CTSO: variants seen among roughly 807,000 people sequenced by gnomAD.
CTSO encodes cathepsin O.
CTSO carries 40 observed loss-of-function variants against 42.4 expected under a neutral mutation model. The observed-to-expected ratio is 0.94, with a 90% confidence interval of 0.73 to 1.23. The LOEUF (loss-of-function observed/expected upper bound fraction) is 1.23. CTSO is among the 50% of genes most tolerant of loss of function. CTSO has a pLI of 0.00. For synonymous variants in CTSO, 156 were observed against 146.2 expected, an observed-to-expected ratio of 1.07 and a Z score of -0.48; for missense variants, 441 against 396.0, an observed-to-expected ratio of 1.11 and a Z score of -0.96.
chr4:155,930,749 G>A (rs1743220575), intron 5 of CTSO, among the ~76,000 whole-genome samples: 1 of 152,062 alleles, frequency 6.6e-6, no homozygotes. Context: ...GCAAAAAGTT[G>A]ACTGCATAAT....
chr4:155,936,093 C>T (rs541484298), intron 5 of CTSO, among the ~76,000 whole-genome samples: 9 of 152,220 alleles, frequency 5.9e-5, no homozygotes, highest in African/African-American at 1.9e-4. Flanking sequence ...CTTATACTCT[C>T]AAGGAAGTCA....
At chr4:155,946,418 T>G (rs1743547897) in intron 1 of CTSO, among the ~76,000 whole-genome samples, 1 of 152,232 alleles carries the variant, frequency 6.6e-6, no homozygotes, top group Admixed American at 6.5e-5. Context: ...TCCCTAATTT[T>G]CAATGATGAT....
chr4:155,929,026 T>C (rs28491588), intron 6 of CTSO, among the ~76,000 whole-genome samples: 8,889 of 152,272 alleles, frequency 0.058, 675 homozygotes, highest in African/African-American at 0.18. Context: ...AAGGAACACC[T>C]GGCCGAACCC....
intron 4 of CTSO, among the ~76,000 whole-genome samples, chr4:155,938,016 T>C (rs1453079240): frequency 1.3e-5 from 2 of 152,170 alleles, no homozygotes; most frequent in African/African-American, 4.8e-5. Flanking sequence ...CTTACTTCTC[T>C]TTATCTTACA....
intron 6 of CTSO, 52 bp from the exon 7 acceptor site, chr4:155,928,480 A>C: frequency 7.8e-7 from 1 of 1,280,702 alleles, no homozygotes; most frequent in Non-Finnish European, 1.1e-6. Context: ...ATTTGTTATG[A>C]ATGTTTAAGT....
chr4:155,927,946 A>C (rs6856354), intron 7 of CTSO, among the ~76,000 whole-genome samples: 52,401 of 151,998 alleles, frequency 0.34, 10,123 homozygotes, highest in East Asian at 0.7. Context: ...AACTCTTGAT[A>C]ATCATTGAGC....
At chr4:155,931,813 A>G (rs1422437161) in intron 5 of CTSO, among the ~76,000 whole-genome samples, 3 of 150,768 alleles carry the variant, frequency 2.0e-5, no homozygotes, top group Non-Finnish European at 4.4e-5. Context: ...TATTATAATT[A>G]TTATTAATCA....
At chr4:155,937,224 T>C (rs961030081) in intron 5 of CTSO, 138 bp downstream of exon 5, 2 of 566,014 alleles carry the variant, frequency 3.5e-6, no homozygotes, top group African/African-American at 3.8e-5. Flanking sequence ...TTCATTGTAA[T>C]TGCTACTCTT....
chr4:155,932,441 G>T (rs1377796643), intron 5 of CTSO, among the ~76,000 whole-genome samples: 1 of 152,158 alleles, frequency 6.6e-6, no homozygotes, highest in African/African-American at 2.4e-5. Context: ...ACCAGGTCTT[G>T]TGCCCAGTTA....
chr4:155,944,793 G>A (rs1743510455), intron 1 of CTSO, among the ~76,000 whole-genome samples: 1 of 152,046 alleles, frequency 6.6e-6, no homozygotes, highest in African/African-American at 2.4e-5. Flanking sequence ...CTCCCTGATG[G>A]CCTTGCCAAA....
In CTSO at chr4:155,937,769, C is replaced by T. The variant is rs559560180; in HGVS notation, c.553-286G>A. ...AGCTGTGACTACAGGTATGAGCCACCACGCCAGGCTAATTTTTTGTATTTT... is the reference window on the plus strand; with the variant it reads ...AGCTGTGACTACAGGTATGAGCCACTACGCCAGGCTAATTTTTTGTATTTT... On this transcript the variant is annotated intron_variant, in intron 4 of 7. Transcript: ENST00000433477. Among the ~76,000 whole-genome samples, 8 of 152,152 alleles carry T rather than the reference C, an allele frequency of 5.3e-5. No homozygotes were observed. The East Asian group carries it at 1.5e-3, about 29-fold the overall frequency.
At chr4:155,926,110 T>A in intron 7 of CTSO, 40 bp from the exon 8 acceptor site, 1 of 1,451,784 alleles carries the variant, frequency 6.9e-7, no homozygotes. Flanking sequence ...ATTTCCTCTT[T>A]AGATGCTTTT....
chr4:155,926,167 T>C (rs1743126727), intron 7 of CTSO, 97 bp from the exon 8 acceptor site: 1 of 796,952 alleles, frequency 1.3e-6, no homozygotes, highest in Non-Finnish European at 2.0e-6. Flanking sequence ...AGAAAGAGTA[T>C]CTACTGAGAA....
At chr4:155,936,967 T>C (rs1381587281) in intron 5 of CTSO, among the ~76,000 whole-genome samples, 1 of 152,164 alleles carries the variant, frequency 6.6e-6, no homozygotes. Flanking sequence ...AAAGCAATTC[T>C]GGATGGACTC....
In CTSO at chr4:155,925,813, C is replaced by T; in HGVS notation, c.*223G>A. On this transcript the variant is annotated 3_prime_UTR_variant, in exon 8 of 8. Transcript: ENST00000433477. ...TCAGGACAGGAAACTATTCCATAGG[C>T]TTCCTCGCAGGCTTCTGTGCTGGAG... The T allele has an allele frequency of 2.0e-6, 1 of 499,844 alleles. No individual in the cohort carries two copies. The highest frequency in any genetic ancestry group is 3.5e-5 in the South Asian group (1 of 28,244). The allele number at this position is 499,844 out of a possible 1,614,324, so 31.0% of individuals were successfully genotyped here. A position where few individuals can be genotyped will look rare whatever the true frequency, so the allele number is the denominator to read the frequency against.
rs780085147 is a variant in CTSO at position 155,937,425 on chromosome 4, C to T, written c.611G>A (p.Cys204Tyr). 7.4e-6 allele frequency: 12 copies of T among 1,612,808 alleles called. No homozygotes were observed. Among genetic ancestry groups the T allele is most frequent in the Non-Finnish European group, 8.5e-6 (10 of 1,178,962 alleles). The part of the protein sequence containing the change: ...EYPFKAQNGL[C>Y]HYFSGSHSGF... ...AGAATGTGAACCAGAAAAGTAATGGCACAGACCATTTTGTGCTTTAAAAGG... is the reference window on the plus strand; with the variant it reads ...AGAATGTGAACCAGAAAAGTAATGGTACAGACCATTTTGTGCTTTAAAAGG... Residue 204 changes from cysteine to tyrosine, a missense_variant, in exon 5 of 8, where the codon TGC becomes TAC. Coordinates refer to ENST00000433477, the MANE Select transcript of CTSO (RefSeq NM_001334.3).
chr4:155,944,208 T>C (rs1284190846), intron 1 of CTSO, among the ~76,000 whole-genome samples: 2 of 152,198 alleles, frequency 1.3e-5, no homozygotes, highest in African/African-American at 4.8e-5. Context: ...AGTGACATTT[T>C]CCATATCATG....
At chr4:155,952,322 TATACAC>T (rs1452842205) in intron 1 of CTSO, among the ~76,000 whole-genome samples, 3 of 152,082 alleles carry the variant, frequency 2.0e-5, no homozygotes, top group Non-Finnish European at 2.9e-5. Context: ...CTACATAAAT[TATACAC>T]ATATATATTT....
intron 5 of CTSO, among the ~76,000 whole-genome samples, chr4:155,936,745 G>A (rs1250375335): frequency 6.6e-6 from 1 of 152,106 alleles, no homozygotes; most frequent in Non-Finnish European, 1.5e-5. Context: ...TCCTCAGCCT[G>A]TCTTTATCTA....
Sources: gnomAD v4.1 joint callset for allele counts (sites outside exome capture counted in the v4.1 genomes callset) on GRCh38, gnomAD v4.1.1 for gene constraint, MANE v1.5 for transcripts, NCBI Gene and HGNC (gene_info 2026-07-23, HGNC 2026-07-21) for gene names.